The following MRPS33 variants were observed in gnomAD, a reference collection of about 807,000 sequenced individuals.
The protein encoded by MRPS33 is small ribosomal subunit protein mS33.
Under a neutral mutation model 11.2 loss-of-function variants are expected in MRPS33, and 11 were observed. That is an observed-to-expected ratio of 0.99 (90% CI 0.62 to 1.63). The LOEUF is 1.63. Among genes scored for constraint, MRPS33 ranks in the 40% most tolerant of loss-of-function variants. The pLI, the probability that MRPS33 is intolerant of heterozygous loss-of-function variation, is 0.00. For missense variants in MRPS33, 109 were observed against 127.8 expected, an observed-to-expected ratio of 0.85 and a Z score of 0.71; for synonymous variants, 46 against 44.0, an observed-to-expected ratio of 1.05 and a Z score of -0.18.
At position 141,006,476 on chromosome 7, in the gene MRPS33, T is replaced by C; in HGVS notation, c.275A>G (p.Glu92Gly). The change falls in exon 3 of 3, where the codon GAG becomes GGG. Residue 92 changes from glutamate to glycine, a missense_variant. Coordinates refer to ENST00000324787, the MANE Select transcript of MRPS33 (RefSeq NM_053035.3). ...TTTCCCTTCTCCTTTCTTTGGTTTC[T>C]CCTTTCCACGAAGCTTCTTTAGTCG... ...QKRLKKLRGK[E>G]KPKKGEGKRA... The C allele has an allele frequency of 1.2e-6, 2 of 1,614,064 alleles. No individual in the cohort carries two copies. The highest frequency in any genetic ancestry group is 1.7e-6 in the Non-Finnish European group (2 of 1,180,040).
At position 141,010,517 on chromosome 7, in the gene MRPS33, T is replaced by G. The variant is rs1563068156; in HGVS notation, c.117A>C (p.Glu39Asp). 1 of 1,614,172 alleles carries G rather than the reference T, an allele frequency of 6.2e-7. No individual in the cohort carries two copies. The highest frequency in any genetic ancestry group is 8.5e-7 in the Non-Finnish European group (1 of 1,180,028). Residue 39 changes from glutamate (E) to aspartate (D), a missense_variant, in exon 2 of 3, where the codon GAA (glutamate) becomes GAC (aspartate). Coordinates refer to ENST00000324787, the MANE Select transcript of MRPS33 (RefSeq NM_053035.3). The part of the protein sequence containing the change: ...KSMKVVKLFS[E>D]LPLAKKKETY... ...TCTCCTTCTTCTTGGCCAAGGGCAG[T>G]TCACTAAACAGTTTCACCACTTTCA... is the stretch of plus-strand genomic sequence containing the variant.
rs777370003 is a variant in MRPS33 at position 141,004,118 on chromosome 7, G to A, written c.*2312C>T. On this transcript the variant is annotated 3_prime_UTR_variant, in exon 3 of 3. Transcript: ENST00000324787. ...GGTTGAGACCATCCTGGCTAACACA[G>A]TGAGACACCTTCTCTACTAAAAATA... is the stretch of plus-strand genomic sequence containing the variant. 5 of 152,234 alleles carry A rather than the reference G, an allele frequency of 3.3e-5. No homozygotes were observed. The highest frequency in any genetic ancestry group is 7.3e-5 in the Non-Finnish European group (5 of 68,068). 9.4% of individuals were successfully genotyped at this position (152,234 alleles called of 1,614,324 possible). A position where few individuals can be genotyped will look rare whatever the true frequency, so the allele number is the denominator to read the frequency against.
rs1397295888 is a variant in MRPS33, at chr7:141,005,627, G to A, written c.*803C>T. 6.6e-6 allele frequency: 1 copy of A among 152,228 alleles called. No homozygotes were observed. Among genetic ancestry groups the A allele is most frequent in the African/African-American group, 2.4e-5 (1 of 41,452 alleles). The allele number at this position is 152,228 out of a possible 1,614,324, so 9.4% of individuals were successfully genotyped here. On this transcript the variant is annotated 3_prime_UTR_variant, in exon 3 of 3. Transcript: ENST00000324787. ...GGCCTCCCAAAGTGGTGGGATTACA[G>A]GTGTGAGCAACAGCGCCTGGCTTAA...
intron 1 of MRPS33, among the ~76,000 whole-genome samples, chr7:141,013,342 T>A (rs934969325): frequency 6.6e-6 from 1 of 152,182 alleles, no homozygotes; most frequent in East Asian, 1.9e-4. Context: ...AAGGTCACAC[T>A]AGAATAGGCT....
chr7:141,010,589 A>T lies in MRPS33; in HGVS notation c.45T>A (p.Ser15Arg). The change falls in exon 2 of 3, where the codon AGT becomes AGA. Residue 15 changes from serine to arginine, a missense_variant. Ser to Arg is a moderately radical substitution (Grantham distance 110). Coordinates refer to ENST00000324787, the MANE Select transcript of MRPS33 (RefSeq NM_053035.3). ...TGGTGACTTCACCAAATAGCCGGGC[A>T]CTGAGACGAGACATGCGGAAGGCAT... ...SEYAFRMSRL[S>R]ARLFGEVTRP... 6.2e-7 allele frequency: 1 copy of T among 1,614,244 alleles called. No homozygotes were observed. The highest frequency in any genetic ancestry group is 2.2e-5 in the East Asian group (1 of 44,888).
At chr7:141,007,147 A>T (rs1392200334) in intron 2 of MRPS33, among the ~76,000 whole-genome samples, 6 of 152,020 alleles carry the variant, frequency 3.9e-5, no homozygotes, top group African/African-American at 7.3e-5. Context: ...CTTATATTAT[A>T]AAAAAAAGTC....
chr7:141,006,503 T>A lies in MRPS33; in HGVS notation c.248A>T (p.Lys83Ile), dbSNP rs770111123. The change falls in exon 3 of 3, where the codon AAA becomes ATA. Residue 83 changes from lysine (K) to isoleucine (I), a missense_variant. By Grantham distance (102) the Lys-to-Ile change is moderately radical (BLOSUM62 -3). Transcript: ENST00000324787. Reference sequence around the variant, plus strand: ...CTTTCCACGAAGCTTCTTTAGTCGTTTTTGCTCATCCATAAAATCCTGATG... The same window carrying A: ...CTTTCCACGAAGCTTCTTTAGTCGTATTTGCTCATCCATAAAATCCTGATG... ...DEHQDFMDEQ[K>I]RLKKLRGKEK... The A allele has an allele frequency of 3.7e-6, 6 of 1,613,982 alleles. No homozygotes were observed. Among genetic ancestry groups the A allele is most frequent in the Non-Finnish European group, 5.1e-6 (6 of 1,180,016 alleles).
intron 1 of MRPS33, 81 bp from the exon 2 acceptor site, chr7:141,010,741 A>G: frequency 9.5e-7 from 1 of 1,052,212 alleles, no homozygotes; most frequent in East Asian, 2.4e-5. Context: ...GAAAATGCAA[A>G]CACAGCAAGC....
chr7:141,006,317 C>T lies in MRPS33; in HGVS notation c.*113G>A, dbSNP rs1407935586. 2.2e-6 allele frequency: 2 copies of T among 915,778 alleles called. No individual in the cohort carries two copies. The highest frequency in any genetic ancestry group is 1.7e-5 in the African/African-American group (1 of 60,404). 56.7% of individuals were successfully genotyped at this position (915,778 alleles called of 1,614,324 possible). A position where few individuals can be genotyped will look rare whatever the true frequency, so the allele number is the denominator to read the frequency against. On this transcript the variant is annotated 3_prime_UTR_variant, in exon 3 of 3. Coordinates refer to ENST00000324787, the MANE Select transcript of MRPS33 (RefSeq NM_053035.3). ...TCACCAAGGAGATGACTGTGTTCCTCCAAATAAACTTCATTTAGGAAGATG... is the reference window on the plus strand; with the variant it reads ...TCACCAAGGAGATGACTGTGTTCCTTCAAATAAACTTCATTTAGGAAGATG...
chr7:141,007,960 C>T (rs1820574791), intron 2 of MRPS33, among the ~76,000 whole-genome samples: 2 of 152,082 alleles, frequency 1.3e-5, no homozygotes, highest in South Asian at 4.2e-4. Flanking sequence ...TCTCATCAAC[C>T]GTTGGACAGA....
Position 141,002,777 on chromosome 7 carries a change from G to A in MRPS33, c.*3653C>T, listed in dbSNP as rs150074953. Reference sequence around the variant, plus strand: ...CCCATAATTACATAAATAATAAGATGTTACCTCTCATCTACCTCCTCTTCC... The same window carrying A: ...CCCATAATTACATAAATAATAAGATATTACCTCTCATCTACCTCCTCTTCC... On this transcript the variant is annotated 3_prime_UTR_variant, in exon 3 of 3. Transcript: ENST00000324787. 1.2e-5 allele frequency: 2 copies of A among 162,012 alleles called. No individual in the cohort carries two copies. The highest frequency in any genetic ancestry group is 3.5e-4 in the East Asian group (2 of 5,732). The allele number at this position is 162,012 out of a possible 1,614,324, so 10.0% of individuals were successfully genotyped here. A position where few individuals can be genotyped will look rare whatever the true frequency, so the allele number is the denominator to read the frequency against.
intron 2 of MRPS33, 157 bp downstream of exon 2, chr7:141,010,243 TGGTCTCTCCATTATGGGTA>T: frequency 1.7e-6 from 1 of 595,484 alleles, no homozygotes; most frequent in Non-Finnish European, 2.9e-6. Flanking sequence ...TTTTTTTTTT[TGGTCTCTCCATTATGGGTA>T]TTTTGAAAGA....
intron 1 of MRPS33, among the ~76,000 whole-genome samples, chr7:141,013,319 A>G (rs1048159026): frequency 2.0e-5 from 3 of 152,230 alleles, no homozygotes; most frequent in African/African-American, 7.2e-5. Flanking sequence ...GGGATACATA[A>G]CTTGTAAGTA....
chr7:141,008,843 G>A (rs1820601674), intron 2 of MRPS33, among the ~76,000 whole-genome samples: 1 of 149,264 alleles, frequency 6.7e-6, no homozygotes, highest in South Asian at 2.1e-4. Flanking sequence ...CTCTGTTGCT[G>A]GAGTGCAGTG....
Position 141,005,800 on chromosome 7 carries a change from T to C in MRPS33, c.*630A>G, listed in dbSNP as rs1023570874. ...CATGTAATACAATTGTATGTAATTATGTAATATTAGTCCCTCCCACAAGAC... is the reference window on the plus strand; with the variant it reads ...CATGTAATACAATTGTATGTAATTACGTAATATTAGTCCCTCCCACAAGAC... On this transcript the variant is annotated 3_prime_UTR_variant, in exon 3 of 3. Transcript: ENST00000324787. 4.6e-5 allele frequency: 7 copies of C among 152,412 alleles called. No individual in the cohort carries two copies. Among genetic ancestry groups the C allele is most frequent in the African/African-American group, 1.4e-4 (6 of 41,458 alleles). 9.4% of individuals were successfully genotyped at this position (152,412 alleles called of 1,614,324 possible).
At position 141,010,680 on chromosome 7, in the gene MRPS33, AG is replaced by A. The variant is rs759590641; in HGVS notation, c.-27-21del. 26 of 1,554,978 alleles carry A rather than the reference AG, an allele frequency of 1.7e-5. No homozygotes were observed. Among genetic ancestry groups the A allele is most frequent in the Middle Eastern group, 1.9e-4 (1 of 5,298 alleles). On this transcript the variant is annotated intron_variant, in intron 1 of 2. Coordinates refer to ENST00000324787, the MANE Select transcript of MRPS33 (RefSeq NM_053035.3). ...GAGTTCCTATTGAAAATGAGAAGAA[AG>A]TTAAACAGGTTAGGGTAAGAAATTC... is the stretch of plus-strand genomic sequence containing the variant.
At chr7:141,013,909 T>C (rs1820738554) in intron 1 of MRPS33, among the ~76,000 whole-genome samples, 1 of 152,228 alleles carries the variant, frequency 6.6e-6, no homozygotes, top group African/African-American at 2.4e-5. Context: ...AAGGTAAAGA[T>C]GAAGTGCAAG....
chr7:141,002,817 T>A lies in MRPS33; in HGVS notation c.*3613A>T, dbSNP rs1820435994. The A allele has an allele frequency of 6.4e-6, 1 of 156,442 alleles. No individual in the cohort carries two copies. The highest frequency in any genetic ancestry group is 6.3e-5 in the Admixed American group (1 of 15,944). 9.7% of individuals were successfully genotyped at this position (156,442 alleles called of 1,614,324 possible). On this transcript the variant is annotated 3_prime_UTR_variant, in exon 3 of 3. Transcript: ENST00000324787. The stretch of plus-strand genomic sequence containing the variant: ...CCTCCTCTTCCTGAACCTATCATGC[T>A]GCTTGTAAACGTGGGGAACTTTATA...
intron 2 of MRPS33, chr7:141,010,094 G>A (rs953344425): frequency 2.9e-5 from 6 of 208,456 alleles, no homozygotes; most frequent in Non-Finnish European, 5.8e-5. Flanking sequence ...GAGCCACTGC[G>A]CCTGGCCTCT....
Sources: gnomAD v4.1 joint callset for allele counts (sites outside exome capture counted in the v4.1 genomes callset) on GRCh38, gnomAD v4.1.1 for gene constraint, MANE v1.5 for transcripts, NCBI Gene and HGNC (gene_info 2026-07-23, HGNC 2026-07-21) for gene names.